Variants in HECW1 observed in about 807,000 individuals in gnomAD.
HECW1 encodes the protein HECT, C2 and WW domain containing E3 ubiquitin protein ligase 1, also known as E3 ubiquitin-protein ligase HECW1.
Under a neutral mutation model 182.3 loss-of-function variants are expected in HECW1, and 61 were observed. The ratio of observed to expected loss-of-function variants is 0.33; its 90% CI spans 0.27 to 0.41. The LOEUF (loss-of-function observed/expected upper bound fraction) is 0.41, where lower values mean the gene tolerates loss of function less well. Among genes scored for constraint, HECW1 ranks in the 10% least tolerant of loss-of-function variants. The pLI, the probability that HECW1 is intolerant of heterozygous loss-of-function variation, is 1.00. For synonymous variants in HECW1, 859 were observed against 832.6 expected (o/e 1.03, Z -0.55); for missense variants, 1,739 against 2,108.9 (o/e 0.82, Z 3.44).
At chr7:43,171,260 A>G (rs1288273694) in intron 2 of HECW1, among the ~76,000 whole-genome samples, 3 of 152,252 alleles carry the variant, frequency 2.0e-5, no homozygotes, top group Non-Finnish European at 4.4e-5. Flanking sequence ...ATTCCACTAA[A>G]TATTGAACTG....
chr7:43,258,901 A>G (rs988842362), intron 3 of HECW1, among the ~76,000 whole-genome samples: 1 of 152,142 alleles, frequency 6.6e-6, no homozygotes, highest in Non-Finnish European at 1.5e-5. Flanking sequence ...CCCTACATCT[A>G]GCAGTGGGAA....
intron 2 of HECW1, among the ~76,000 whole-genome samples, chr7:43,145,657 T>C (rs1231663842): frequency 2.0e-5 from 3 of 152,218 alleles, no homozygotes; most frequent in Admixed American, 6.5e-5. Context: ...AATATGTCTC[T>C]GCCCTTAATT....
At chr7:43,445,598 G>A in intron 11 of HECW1, 28 bp downstream of exon 11, 1 of 1,514,770 alleles carries the variant, frequency 6.6e-7, no homozygotes, top group Non-Finnish European at 8.9e-7. Flanking sequence ...ATCAGAGTGA[G>A]AATAGGACCA....
chr7:43,552,656 A>G (rs1291790478), intron 28 of HECW1, among the ~76,000 whole-genome samples: 1 of 152,200 alleles, frequency 6.6e-6, no homozygotes, highest in Non-Finnish European at 1.5e-5. Context: ...ATATAAATAG[A>G]ATCATACAAA....
chr7:43,462,126 G>A (rs556999969), intron 13 of HECW1, among the ~76,000 whole-genome samples: 12 of 152,254 alleles, frequency 7.9e-5, no homozygotes, highest in Admixed American at 2.0e-4. Flanking sequence ...GAGCATCCCC[G>A]TGCTTTCCCA....
chr7:43,479,792 G>C (rs2078355922), intron 17 of HECW1, 48 bp downstream of exon 17: 1 of 1,608,558 alleles, frequency 6.2e-7, no homozygotes, highest in Non-Finnish European at 8.5e-7. Flanking sequence ...CACAGTCTCT[G>C]CCTCTTCCAT....
At chr7:43,533,477 G>C (rs2117271) in intron 24 of HECW1, among the ~76,000 whole-genome samples, 7,972 of 152,118 alleles carry the variant, frequency 0.052, 528 homozygotes, top group African/African-American at 0.15. Context: ...ACATTACAAT[G>C]GTGTCCTGGA....
At chr7:43,553,668 CAAA>C (rs773974209) in intron 28 of HECW1, among the ~76,000 whole-genome samples, 2 of 33,454 alleles carry the variant, frequency 6.0e-5, no homozygotes. Flanking sequence ...GATTCTGTCT[CAAA>C]AAAAAAAAAA....
intron 2 of HECW1, among the ~76,000 whole-genome samples, chr7:43,219,562 G>A (rs1796767192): frequency 6.6e-6 from 1 of 152,050 alleles, no homozygotes; most frequent in African/African-American, 2.4e-5. Context: ...CTCTAAGGGG[G>A]TGTGTGTGAG....
intron 8 of HECW1, among the ~76,000 whole-genome samples, chr7:43,425,225 TCACACA>T (rs61442575): frequency 6.8e-6 from 1 of 147,458 alleles, no homozygotes; most frequent in Non-Finnish European, 1.5e-5. Flanking sequence ...ACCAAGACAC[TCACACA>T]CACACACACA....
intron 8 of HECW1, among the ~76,000 whole-genome samples, chr7:43,411,477 A>G (rs1025233305): frequency 6.6e-6 from 1 of 152,188 alleles, no homozygotes; most frequent in African/African-American, 2.4e-5. Flanking sequence ...ATCAAGTCCT[A>G]TAAATATCAG....
At chr7:43,248,406 ACATCCT>A (rs1412610700) in intron 3 of HECW1, among the ~76,000 whole-genome samples, 3 of 152,134 alleles carry the variant, frequency 2.0e-5, no homozygotes, top group Non-Finnish European at 4.4e-5. Context: ...CCGCCCCACC[ACATCCT>A]TCATCTAGAC....
chr7:43,333,810 G>T (rs958306894), intron 5 of HECW1, among the ~76,000 whole-genome samples: 1 of 152,098 alleles, frequency 6.6e-6, no homozygotes, highest in Admixed American at 6.6e-5. Flanking sequence ...TCAGCCACAG[G>T]GAGATAACAG....
chr7:43,212,153 T>A (rs1373931837), intron 2 of HECW1, among the ~76,000 whole-genome samples: 1 of 152,236 alleles, frequency 6.6e-6, no homozygotes, highest in Non-Finnish European at 1.5e-5. Context: ...TTGATTCTTG[T>A]AAACACAGTT....
chr7:43,526,784 T>C (rs1297846312), intron 24 of HECW1, among the ~76,000 whole-genome samples: 1 of 152,174 alleles, frequency 6.6e-6, no homozygotes, highest in Admixed American at 6.5e-5. Flanking sequence ...GAAGATTGCT[T>C]GAGTCCAGGA....
intron 10 of HECW1, among the ~76,000 whole-genome samples, chr7:43,443,168 T>C (rs1010491051): frequency 2.6e-5 from 4 of 152,242 alleles, no homozygotes; most frequent in African/African-American, 9.6e-5. Context: ...ATACGAATGA[T>C]AAGATGCCTC....
chr7:43,248,680 C>A lies in HECW1; in HGVS notation c.27+4748C>A. Reference sequence around the variant, plus strand: ...CGGCTGCTTTACTCTCCCTCCTCCTCCTCCTCCTCCTCCTTTTCCTCCTCC... The same window carrying A: ...CGGCTGCTTTACTCTCCCTCCTCCTACTCCTCCTCCTCCTTTTCCTCCTCC... On this transcript the variant is annotated intron_variant, in intron 3 of 29. Transcript: ENST00000395891. 2.2e-5 allele frequency: 3 copies of A among 136,070 alleles called. No individual in the cohort carries two copies. In the South Asian group the frequency reaches 6.5e-4, roughly 30 times the overall value. The allele number at this position is 136,070 out of a possible 1,614,324, so 8.4% of individuals were successfully genotyped here.
chr7:43,496,258 C>A (rs1019864482), intron 19 of HECW1, among the ~76,000 whole-genome samples: 6 of 151,178 alleles, frequency 4.0e-5, no homozygotes, highest in African/African-American at 1.5e-4. Flanking sequence ...CTGATGGAAG[C>A]ACTTATGGAC....
At chr7:43,460,834 G>A (rs535203451) in intron 13 of HECW1, among the ~76,000 whole-genome samples, 4 of 152,226 alleles carry the variant, frequency 2.6e-5, no homozygotes, top group East Asian at 1.9e-4. Flanking sequence ...TCTGTGCTTC[G>A]GCAGAGGTCA....
Sources: gnomAD v4.1 joint callset for allele counts (sites outside exome capture counted in the v4.1 genomes callset) on GRCh38, gnomAD v4.1.1 for gene constraint, MANE v1.5 for transcripts, NCBI Gene and HGNC (gene_info 2026-07-23, HGNC 2026-07-21) for gene names.